Variants in MITF observed in about 807,000 individuals in gnomAD.
MITF encodes the protein microphthalmia-associated transcription factor.
MITF carries 17 observed loss-of-function variants against 60.5 expected under a neutral mutation model. The observed-to-expected ratio is 0.28, with a 90% confidence interval of 0.19 to 0.42. The LOEUF (loss-of-function observed/expected upper bound fraction) is 0.42, where lower values mean the gene tolerates loss of function less well. Among genes scored for constraint, MITF ranks in the 10% least tolerant of loss-of-function variants. The pLI is 1.00. For missense variants in MITF, 622 were observed against 683.5 expected (o/e 0.91, Z 1.00); for synonymous variants, 260 against 248.5 (o/e 1.05, Z -0.43).
rs1476326720 is a variant in MITF at position 69,964,596 on chromosome 3, A to G, written c.1180-251A>G. On this transcript the variant is annotated intron_variant, in intron 9 of 9. Coordinates refer to ENST00000352241, the MANE Select transcript of MITF (RefSeq NM_001354604.2). ...ATACACCTCATTCCCCCAAGCACGC[A>G]CAGCCTTCCCCATTATCAACATTCC... 1.5e-5 allele frequency among the ~76,000 whole-genome samples: 2 copies of G among 133,198 alleles called. 1 individual carries two copies. The highest frequency in any genetic ancestry group is 3.2e-5 in the Non-Finnish European group (2 of 61,938). 87.4% of individuals were successfully genotyped at this position (133,198 alleles called of 152,430 possible).
intron 1 of MITF, among the ~76,000 whole-genome samples, chr3:69,822,455 T>C (rs1324593384): frequency 6.6e-6 from 1 of 152,200 alleles, no homozygotes; most frequent in Non-Finnish European, 1.5e-5. Context: ...ATTTATTCCA[T>C]TCCTGGCACT....
chr3:69,826,443 G>T (rs2107074725), intron 1 of MITF, among the ~76,000 whole-genome samples: 1 of 152,212 alleles, frequency 6.6e-6, no homozygotes, highest in South Asian at 2.1e-4. Flanking sequence ...AATCCTACTA[G>T]GATTTAGTTA....
chr3:69,758,989 G>A (rs1022468850), intron 1 of MITF, among the ~76,000 whole-genome samples: 3 of 152,166 alleles, frequency 2.0e-5, no homozygotes, highest in African/African-American at 7.2e-5. Flanking sequence ...TAGTAGGGGT[G>A]ATGATTGTTA....
intron 2 of MITF, among the ~76,000 whole-genome samples, chr3:69,921,883 C>T (rs1387526782): frequency 6.6e-6 from 1 of 152,198 alleles, no homozygotes; most frequent in Non-Finnish European, 1.5e-5. Flanking sequence ...GAAAGGCTGT[C>T]TTGTGCATCG....
intron 7 of MITF, among the ~76,000 whole-genome samples, chr3:69,955,873 T>C (rs2066385279): frequency 6.6e-6 from 1 of 152,166 alleles, no homozygotes; most frequent in Admixed American, 6.5e-5. Flanking sequence ...CAACGCAAAT[T>C]TCAGCATGAC....
intron 2 of MITF, among the ~76,000 whole-genome samples, chr3:69,912,092 G>C (rs1180337085): frequency 6.6e-6 from 1 of 152,154 alleles, no homozygotes; most frequent in East Asian, 1.9e-4. Flanking sequence ...TTTTTTCATG[G>C]ATAGATCTCA....
At chr3:69,866,940 C>G (rs1206738587) in intron 1 of MITF, among the ~76,000 whole-genome samples, 1 of 151,628 alleles carries the variant, frequency 6.6e-6, no homozygotes, top group Non-Finnish European at 1.5e-5. Flanking sequence ...AACAGACATC[C>G]AAACATCAGA....
intron 1 of MITF, among the ~76,000 whole-genome samples, chr3:69,780,341 T>G (rs1692086358): frequency 6.6e-6 from 1 of 152,182 alleles, no homozygotes; most frequent in South Asian, 2.1e-4. Flanking sequence ...AATCTCTCAA[T>G]TTTTAAATGT....
chr3:69,808,567 A>G (rs2063049163), intron 1 of MITF, among the ~76,000 whole-genome samples: 1 of 151,988 alleles, frequency 6.6e-6, no homozygotes, highest in Non-Finnish European at 1.5e-5. Context: ...AGGGAGGTAA[A>G]GTGTTTGCTG....
intron 3 of MITF, chr3:69,938,300 A>C: frequency 6.7e-7 from 1 of 1,501,486 alleles, no homozygotes; most frequent in Non-Finnish European, 9.1e-7. Context: ...CACTTTTGCC[A>C]CTTGCTTCTT....
rs530520220 is a variant in MITF, at chr3:69,888,468, G to C, written c.354+9085G>C. On this transcript the variant is annotated intron_variant, in intron 2 of 9. Transcript: ENST00000352241. ...TACCTTGAGTACTTCTGGCTGTGGAGATCGGTGCCTTAATTAGCCACATGT... is the reference window on the plus strand; with the variant it reads ...TACCTTGAGTACTTCTGGCTGTGGACATCGGTGCCTTAATTAGCCACATGT... Among the ~76,000 whole-genome samples the C allele has an allele frequency of 2.6e-3, 385 of 150,196 alleles. 1 individual carries two copies. Among genetic ancestry groups the C allele is most frequent in the Non-Finnish European group, 4.4e-3 (294 of 67,568 alleles).
intron 2 of MITF, among the ~76,000 whole-genome samples, chr3:69,898,170 TAA>T (rs943541531): frequency 6.6e-5 from 10 of 152,234 alleles, no homozygotes; most frequent in Non-Finnish European, 1.3e-4. Context: ...AGATGTGATG[TAA>T]AGAGTCCAAG....
chr3:69,764,905 C>G (rs1259697189), intron 1 of MITF, among the ~76,000 whole-genome samples: 2 of 152,234 alleles, frequency 1.3e-5, no homozygotes, highest in African/African-American at 4.8e-5. Flanking sequence ...TCTGGCTTGC[C>G]TCTCCTTGTT....
intron 1 of MITF, among the ~76,000 whole-genome samples, chr3:69,858,699 A>T (rs2063961426): frequency 6.6e-6 from 1 of 152,178 alleles, no homozygotes; most frequent in South Asian, 2.1e-4. Flanking sequence ...GTCTTTAGTT[A>T]TGCACTATGA....
rs890252100 is a variant in MITF at position 69,801,343 on chromosome 3, G to A, written c.104+61642G>A. Reference sequence around the variant, plus strand: ...TACTCAACTTGGATTGAAGTTCAGCGGTCTTAAATCCTTCTAAAATTCTGA... The same window carrying A: ...TACTCAACTTGGATTGAAGTTCAGCAGTCTTAAATCCTTCTAAAATTCTGA... On this transcript the variant is annotated intron_variant, in intron 1 of 9. Coordinates refer to ENST00000352241, the MANE Select transcript of MITF (RefSeq NM_001354604.2). 8.6e-5 allele frequency among the ~76,000 whole-genome samples: 13 copies of A among 152,040 alleles called. 1 individual carries two copies. The highest frequency in any genetic ancestry group is 2.0e-4 in the Admixed American group (3 of 15,272).
At chr3:69,947,713 A>G (rs927159382) in intron 5 of MITF, among the ~76,000 whole-genome samples, 1 of 151,952 alleles carries the variant, frequency 6.6e-6, no homozygotes, top group African/African-American at 2.4e-5. Flanking sequence ...CTCCCTGCCT[A>G]CCCCAATTCT....
At chr3:69,879,462 A>G (rs954538766) in intron 2 of MITF, 79 bp downstream of exon 2, 19 of 1,598,240 alleles carry the variant, frequency 1.2e-5, no homozygotes, top group Admixed American at 8.7e-5. Context: ...TTATCTGAAT[A>G]TGTATTTTGT....
intron 1 of MITF, among the ~76,000 whole-genome samples, chr3:69,856,923 G>A (rs1046039573): frequency 2.0e-5 from 3 of 151,526 alleles, no homozygotes; most frequent in African/African-American, 7.3e-5. Flanking sequence ...TTCATTCTCT[G>A]TTTTTTTGTG....
At chr3:69,855,356 A>T (rs538153301) in intron 1 of MITF, among the ~76,000 whole-genome samples, 3 of 151,966 alleles carry the variant, frequency 2.0e-5, no homozygotes, top group Admixed American at 1.3e-4. Context: ...CATGTTAATA[A>T]AGAAGTTAAA....
Sources: gnomAD v4.1 joint callset for allele counts (sites outside exome capture counted in the v4.1 genomes callset) on GRCh38, gnomAD v4.1.1 for gene constraint, MANE v1.5 for transcripts, NCBI Gene and HGNC (gene_info 2026-07-23, HGNC 2026-07-21) for gene names.